Variants in LRRC4C observed in about 807,000 individuals in gnomAD.
LRRC4C encodes leucine rich repeat containing 4C, also known as leucine-rich repeat-containing protein 4C.
In LRRC4C, 5 loss-of-function variants were observed where a neutral mutation model predicts 33.6. The observed-to-expected ratio is 0.15, with a 90% CI of 0.08 to 0.31. LRRC4C has a LOEUF of 0.31. Ranked by LOEUF, LRRC4C falls within the 10% of genes least tolerant of loss-of-function variation. The pLI is 1.00. For synonymous variants in LRRC4C, 329 were observed against 302.0 expected (o/e 1.09, Z -0.93); for missense variants, 560 against 796.7 (o/e 0.70, Z 3.58).
intron 1 of LRRC4C, among the ~76,000 whole-genome samples, chr11:41,127,520 G>A (rs552434058): frequency 6.6e-6 from 1 of 152,122 alleles, no homozygotes; most frequent in African/African-American, 2.4e-5. Flanking sequence ...AAGATGACAT[G>A]AGGAAATTAA....
At chr11:40,303,249 A>C (rs577927584) in intron 4 of LRRC4C, among the ~76,000 whole-genome samples, 6 of 152,262 alleles carry the variant, frequency 3.9e-5, no homozygotes, top group African/African-American at 1.4e-4. Flanking sequence ...GGTGGGTATA[A>C]GAAATGTCAA....
intron 2 of LRRC4C, among the ~76,000 whole-genome samples, chr11:40,803,480 GT>G (rs1483536573): frequency 6.6e-6 from 1 of 152,150 alleles, no homozygotes; most frequent in Middle Eastern, 3.4e-3. Flanking sequence ...CCAGAAATTG[GT>G]TCAATAAAAT....
intron 2 of LRRC4C, among the ~76,000 whole-genome samples, chr11:40,824,659 C>T (rs1952081309): frequency 6.6e-6 from 1 of 151,828 alleles, no homozygotes; most frequent in African/African-American, 2.4e-5. Context: ...AATCGAAGTA[C>T]CCCATACATA....
intron 1 of LRRC4C, among the ~76,000 whole-genome samples, chr11:40,934,697 T>C (rs1309571738): frequency 1.3e-5 from 2 of 152,160 alleles, no homozygotes; most frequent in African/African-American, 4.8e-5. Flanking sequence ...TAATGGCTTA[T>C]CTCTTGACTA....
intron 6 of LRRC4C, among the ~76,000 whole-genome samples, chr11:40,131,845 A>T (rs1856665376): frequency 6.6e-6 from 1 of 152,204 alleles, no homozygotes; most frequent in East Asian, 1.9e-4. Context: ...ATATAACACT[A>T]AAACAATTTG....
chr11:40,961,130 A>G (rs2136868269), intron 1 of LRRC4C, among the ~76,000 whole-genome samples: 1 of 151,826 alleles, frequency 6.6e-6, no homozygotes, highest in African/African-American at 2.4e-5. Flanking sequence ...GGAAATTTGG[A>G]AAAGGTTCAG....
At chr11:40,991,214 A>G (rs1190999861) in intron 1 of LRRC4C, among the ~76,000 whole-genome samples, 1 of 151,606 alleles carries the variant, frequency 6.6e-6, no homozygotes, top group Non-Finnish European at 1.5e-5. Flanking sequence ...TAAAAAAAAA[A>G]AAAAAAAAAA....
At chr11:41,329,034 T>A (rs780972453) in intron 1 of LRRC4C, among the ~76,000 whole-genome samples, 1 of 152,192 alleles carries the variant, frequency 6.6e-6, no homozygotes, top group South Asian at 2.1e-4. Flanking sequence ...AAAAATAGTA[T>A]GTGTTTCTGG....
intron 2 of LRRC4C, among the ~76,000 whole-genome samples, chr11:40,743,797 C>T (rs1948282987): frequency 6.6e-6 from 1 of 152,082 alleles, no homozygotes; most frequent in African/African-American, 2.4e-5. Flanking sequence ...CCAGCTCCTT[C>T]AACTCTCATT....
chr11:40,129,623 A>G (rs544095140), intron 6 of LRRC4C, among the ~76,000 whole-genome samples: 1 of 152,288 alleles, frequency 6.6e-6, no homozygotes, highest in South Asian at 2.1e-4. Flanking sequence ...GGATCAGAAC[A>G]CTTTATAACA....
intron 3 of LRRC4C, among the ~76,000 whole-genome samples, chr11:40,425,764 C>G (rs1412238182): frequency 2.0e-5 from 3 of 152,216 alleles, no homozygotes; most frequent in Non-Finnish European, 2.9e-5. Context: ...AAATTATTGT[C>G]TAAACTCTTT....
chr11:41,233,530 C>A (rs1219635991), intron 1 of LRRC4C, among the ~76,000 whole-genome samples: 1 of 151,910 alleles, frequency 6.6e-6, no homozygotes, highest in African/African-American at 2.4e-5. Flanking sequence ...GTATAAACTG[C>A]ATCACATAAA....
intron 2 of LRRC4C, among the ~76,000 whole-genome samples, chr11:40,735,486 T>A (rs1460127410): frequency 6.7e-6 from 1 of 148,768 alleles, no homozygotes; most frequent in Non-Finnish European, 1.5e-5. Context: ...ACAAAGGACA[T>A]GAACTCATTT....
intron 1 of LRRC4C, among the ~76,000 whole-genome samples, chr11:41,015,371 C>T (rs1243834675): frequency 6.6e-6 from 1 of 151,860 alleles, no homozygotes; most frequent in Non-Finnish European, 1.5e-5. Flanking sequence ...CTCTGTTGCC[C>T]AGGCTGGAGT....
chr11:40,288,139 C>T (rs1943966817), intron 4 of LRRC4C, among the ~76,000 whole-genome samples: 1 of 152,134 alleles, frequency 6.6e-6, no homozygotes, highest in Non-Finnish European at 1.5e-5. Flanking sequence ...AGCAAACAGG[C>T]TCAGAGAGGT....
intron 2 of LRRC4C, among the ~76,000 whole-genome samples, chr11:40,720,573 G>A (rs1180370268): frequency 6.6e-6 from 1 of 152,110 alleles, no homozygotes; most frequent in Non-Finnish European, 1.5e-5. Context: ...TTCAGACAAG[G>A]GACAGAGGAC....
chr11:40,739,873 G>A (rs1257658970), intron 2 of LRRC4C, among the ~76,000 whole-genome samples: 1 of 151,782 alleles, frequency 6.6e-6, no homozygotes, highest in East Asian at 1.9e-4. Context: ...GTAGCAGTGT[G>A]AGAAAAGACT....
intron 2 of LRRC4C, among the ~76,000 whole-genome samples, chr11:40,892,032 G>A (rs1955735044): frequency 6.6e-6 from 1 of 151,716 alleles, no homozygotes; most frequent in Non-Finnish European, 1.5e-5. Context: ...CTACTCGGGA[G>A]GCTGAGGCAG....
chr11:41,111,550 A>T (rs1193525398), intron 1 of LRRC4C, among the ~76,000 whole-genome samples: 1 of 152,048 alleles, frequency 6.6e-6, no homozygotes, highest in Non-Finnish European at 1.5e-5. Context: ...CGAGGAAAAA[A>T]GGTGGTGATA....
Sources: allele counts gnomAD v4.1 joint callset (sites outside exome capture counted in the v4.1 genomes callset), GRCh38; gene constraint gnomAD v4.1.1; transcripts MANE v1.5; gene names NCBI Gene and HGNC (gene_info 2026-07-23, HGNC 2026-07-21).